DHDDS: variants seen among roughly 807,000 people sequenced by gnomAD.
DHDDS encodes dehydrodolichyl diphosphate synthase subunit.
DHDDS carries 16 observed loss-of-function variants against 46.2 expected under a neutral mutation model. That is an observed-to-expected ratio of 0.35 (90% confidence interval 0.23 to 0.53). The LOEUF is 0.53. Among genes scored for constraint, DHDDS ranks in the 20% least tolerant of loss-of-function variants. The pLI is 0.94. For synonymous variants in DHDDS, 151 were observed against 163.1 expected (o/e 0.93, Z 0.56); for missense variants, 340 against 423.7 (o/e 0.80, Z 1.73).
At chr1:26,442,677 T>C (rs761752773) in intron 3 of DHDDS, 54 bp from the exon 4 acceptor site, 2 of 1,610,630 alleles carry the variant, frequency 1.2e-6, no homozygotes, top group Admixed American at 3.3e-5. Flanking sequence ...GTATCTCTTA[T>C]TTCCCCTTCC....
At chr1:26,468,805 CCCTGTGCCCCACCCCCTACCTCCTCCAT>C in intron 8 of DHDDS, 62 bp from the exon 9 acceptor site, 4 of 1,105,258 alleles carry the variant, frequency 3.6e-6, no homozygotes, top group Non-Finnish European at 3.9e-6. Flanking sequence ...ACTTGGCCCA[CCCTGTGCCCCACCCCCTACCTCCTCCAT>C]CCCAGTTTCA....
intron 8 of DHDDS, among the ~76,000 whole-genome samples, chr1:26,461,148 A>G (rs1004466968): frequency 6.6e-6 from 1 of 152,116 alleles, no homozygotes; most frequent in Admixed American, 6.5e-5. Flanking sequence ...TGCTGGGATT[A>G]CAGGCGTGAA....
chr1:26,454,526 T>C (rs1235960050), intron 6 of DHDDS: 5 of 562,708 alleles, frequency 8.9e-6, no homozygotes, highest in Non-Finnish European at 1.2e-5. Flanking sequence ...TGCACTCAAA[T>C]CTATTATTTC....
At chr1:26,440,787 TCTG>T (rs1486655589) in intron 3 of DHDDS, among the ~76,000 whole-genome samples, 1 of 152,236 alleles carries the variant, frequency 6.6e-6, no homozygotes, top group Non-Finnish European at 1.5e-5. Flanking sequence ...GCTTGTTTCT[TCTG>T]TTCTGTTTGA....
At chr1:26,453,120 ACACT>A (rs976928434) in intron 6 of DHDDS, among the ~76,000 whole-genome samples, 3 of 151,730 alleles carry the variant, frequency 2.0e-5, no homozygotes, top group Admixed American at 1.3e-4. Flanking sequence ...ACACACACAC[ACACT>A]CACTTTTGAC....
At chr1:26,451,406 G>A (rs1265993939) in intron 6 of DHDDS, among the ~76,000 whole-genome samples, 1 of 22,852 alleles carries the variant, frequency 4.4e-5, no homozygotes, top group Non-Finnish European at 6.5e-5. Context: ...GTATGTAGAT[G>A]TGTGTGTGTG....
chr1:26,439,295 G>A (rs1452087909), intron 3 of DHDDS, among the ~76,000 whole-genome samples: 2 of 152,066 alleles, frequency 1.3e-5, no homozygotes, highest in Admixed American at 6.6e-5. Flanking sequence ...TTCAATGACT[G>A]TAGAACATTT....
chr1:26,442,835 T>A lies in DHDDS; in HGVS notation c.285T>A (p.Asp95Glu), dbSNP rs1014708339. 1 of 1,614,164 alleles carries A rather than the reference T, an allele frequency of 6.2e-7. No homozygotes were observed. The highest frequency in any genetic ancestry group is 1.7e-5 in the Admixed American group (1 of 60,014). The change falls in exon 4 of 9, where the codon GAT (aspartate) becomes GAA (glutamate). Residue 95 changes from aspartate (D) to glutamate (E), a missense_variant. Around this residue, in one of 2 missense-constraint regions of DHDDS, gnomAD observed 268 missense variants for 300.3 expected, o/e 0.89. Coordinates refer to ENST00000236342, the MANE Select transcript of DHDDS (RefSeq NM_205861.3). ...AGAGTGAGGTAGACGGGCTTATGGA[T>A]CTGGCCCGGCAGAAGTTCAGCCGCT... ...RSKSEVDGLM[D>E]LARQKFSRLM...
At chr1:26,451,411 TGTGTGTGTG>T (rs1411953682) in intron 6 of DHDDS, among the ~76,000 whole-genome samples, 4 of 29,970 alleles carry the variant, frequency 1.3e-4, no homozygotes, top group African/African-American at 7.4e-4. Flanking sequence ...TAGATGTGTG[TGTGTGTGTG>T]TGTGTGTGTG....
At chr1:26,446,225 A>G in intron 4 of DHDDS, 91 bp from the exon 5 acceptor site, 1 of 1,136,446 alleles carries the variant, frequency 8.8e-7, no homozygotes, top group Non-Finnish European at 1.3e-6. Flanking sequence ...GAAAGCACTC[A>G]AAAAACTGGT....
rs1293786022 is a variant in DHDDS, at chr1:26,432,364, C to G, written c.-68C>G. 6.5e-6 allele frequency: 1 copy of G among 153,354 alleles called. No homozygotes were observed. Among genetic ancestry groups the G allele is most frequent in the African/African-American group, 2.4e-5 (1 of 41,454 alleles). The allele number at this position is 153,354 out of a possible 1,614,324, so 9.5% of individuals were successfully genotyped here. A position where few individuals can be genotyped will look rare whatever the true frequency, so the allele number is the denominator to read the frequency against. ...ACTGAAGCCGTGGGGACGCGCCCAG[C>G]GGAGCTAATCAGGTGCCACTGAACT... is the stretch of plus-strand genomic sequence containing the variant. On this transcript the variant is annotated 5_prime_UTR_variant, in exon 1 of 9. Coordinates refer to ENST00000236342, the MANE Select transcript of DHDDS (RefSeq NM_205861.3).
chr1:26,440,921 TTTC>T (rs1319182456), intron 3 of DHDDS, among the ~76,000 whole-genome samples: 2 of 151,932 alleles, frequency 1.3e-5, no homozygotes, highest in East Asian at 1.9e-4. Flanking sequence ...AGGACTAAGT[TTTC>T]TTCTTTTTTT....
intron 6 of DHDDS, 69 bp downstream of exon 6, chr1:26,447,729 C>T: frequency 7.1e-7 from 1 of 1,416,618 alleles, no homozygotes; most frequent in Non-Finnish European, 9.9e-7. Context: ...CAGCTCACGC[C>T]TGTAATCCTA....
chr1:26,452,854 T>C (rs1241167931), intron 6 of DHDDS, among the ~76,000 whole-genome samples: 2 of 152,132 alleles, frequency 1.3e-5, no homozygotes, highest in Non-Finnish European at 2.9e-5. Flanking sequence ...ATCCCAGGAC[T>C]TTGGGAGGCT....
At chr1:26,456,841 C>T (rs186930406) in intron 6 of DHDDS, among the ~76,000 whole-genome samples, 123 of 152,216 alleles carry the variant, frequency 8.1e-4, no homozygotes, top group Non-Finnish European at 1.4e-3. Flanking sequence ...CTTATATGCA[C>T]GTGTGAATGT....
At position 26,447,642 on chromosome 1, in the gene DHDDS, A is replaced by G. The variant is rs1225532645; in HGVS notation, c.524A>G (p.Gln175Arg). ...AVREMAWGVE[Q>R]GLLDPSDISE... ...AGAGAGATGGCCTGGGGGGTGGAGC[A>G]AGGCCTGTTGGATCCCAGGTATCCC... Residue 175 changes from glutamine to arginine, a missense_variant, in exon 6 of 9, where the codon CAA becomes CGA. Transcript: ENST00000236342. The G allele has an allele frequency of 1.9e-6, 3 of 1,614,096 alleles. No individual in the cohort carries two copies. Among genetic ancestry groups the G allele is most frequent in the Non-Finnish European group, 1.7e-6 (2 of 1,179,964 alleles).
intron 3 of DHDDS, among the ~76,000 whole-genome samples, chr1:26,440,706 C>T (rs2075209668): frequency 6.6e-6 from 1 of 152,134 alleles, no homozygotes; most frequent in African/African-American, 2.4e-5. Context: ...TTCTCACTGG[C>T]AATTTTCCTA....
intron 3 of DHDDS, among the ~76,000 whole-genome samples, chr1:26,441,048 C>T (rs895106655): frequency 1.3e-5 from 2 of 152,110 alleles, no homozygotes; most frequent in Non-Finnish European, 2.9e-5. Context: ...CCTCAGCCTC[C>T]TGAGTAACTG....
intron 6 of DHDDS, among the ~76,000 whole-genome samples, chr1:26,453,794 AC>A (rs1413951015): frequency 6.6e-6 from 1 of 152,080 alleles, no homozygotes; most frequent in African/African-American, 2.4e-5. Context: ...ATAGGTAAAA[AC>A]TGATATTTTA....
Sources: allele counts gnomAD v4.1 joint callset (sites outside exome capture counted in the v4.1 genomes callset), GRCh38; gene constraint gnomAD v4.1.1; regional missense constraint gnomAD v4.1.1; transcripts MANE v1.5; gene names NCBI Gene and HGNC (gene_info 2026-07-23, HGNC 2026-07-21).